NBEA: variants seen among roughly 807,000 people sequenced by gnomAD.
NBEA encodes the protein lysosomal-trafficking regulator 2.
NBEA carries 44 observed loss-of-function variants against 343.4 expected under a neutral mutation model. The observed-to-expected ratio is 0.13, with a 90% confidence interval of 0.10 to 0.16. The LOEUF (loss-of-function observed/expected upper bound fraction) is 0.16. Among genes scored for constraint, NBEA ranks in the 10% least tolerant of loss-of-function variants. NBEA has a pLI of 1.00. For synonymous variants in NBEA, 1,175 were observed against 1,238.7 expected (o/e 0.95, Z 1.08); for missense variants, 2,555 against 3,631.3 (o/e 0.70, Z 7.62).
chr13:35,394,963 T>C (rs1465901518), intron 38 of NBEA, among the ~76,000 whole-genome samples: 7 of 152,184 alleles, frequency 4.6e-5, no homozygotes, highest in South Asian at 2.1e-4. Context: ...ACTTCCTTTG[T>C]TGAGTTTCAA....
chr13:35,315,251 A>T (rs1319725012), intron 36 of NBEA, among the ~76,000 whole-genome samples: 1 of 152,202 alleles, frequency 6.6e-6, no homozygotes, highest in Non-Finnish European at 1.5e-5. Flanking sequence ...AATACAATTC[A>T]TCAATCATAG....
At chr13:35,422,099 T>TA (rs1286843801) in intron 38 of NBEA, among the ~76,000 whole-genome samples, 1 of 143,684 alleles carries the variant, frequency 7.0e-6, no homozygotes, top group Non-Finnish European at 1.5e-5. Flanking sequence ...TTTGTTTTTT[T>TA]TTTTTTTTAG....
intron 41 of NBEA, among the ~76,000 whole-genome samples, chr13:35,488,980 A>C (rs1323833177): frequency 6.6e-6 from 1 of 151,942 alleles, no homozygotes; most frequent in Non-Finnish European, 1.5e-5. Context: ...TAAAATACAA[A>C]ATACATTTAT....
intron 1 of NBEA, among the ~76,000 whole-genome samples, chr13:35,019,600 G>A (rs1464370695): frequency 1.3e-5 from 2 of 152,082 alleles, no homozygotes; most frequent in African/African-American, 4.8e-5. Context: ...ATTCTCTCAC[G>A]AGTGATTGAT....
intron 44 of NBEA, among the ~76,000 whole-genome samples, chr13:35,559,970 A>G (rs2079785861): frequency 6.6e-6 from 1 of 152,096 alleles, no homozygotes; most frequent in Non-Finnish European, 1.5e-5. Flanking sequence ...TTTGTTAATA[A>G]TAAGAACTCA....
intron 41 of NBEA, among the ~76,000 whole-genome samples, chr13:35,529,374 T>G (rs1185337225): frequency 3.9e-5 from 6 of 152,174 alleles, no homozygotes. Flanking sequence ...TGAATAGCAC[T>G]TTAAGTACAC....
chr13:35,151,830 C>CT (rs2068809700), intron 18 of NBEA, among the ~76,000 whole-genome samples: 1 of 151,782 alleles, frequency 6.6e-6, no homozygotes, highest in African/African-American at 2.4e-5. Context: ...CTTTTAAATT[C>CT]TATTTGTATC....
At chr13:35,466,245 G>A (rs986546711) in intron 40 of NBEA, among the ~76,000 whole-genome samples, 5 of 152,174 alleles carry the variant, frequency 3.3e-5, no homozygotes, top group African/African-American at 1.2e-4. Flanking sequence ...GTTAAGGATA[G>A]ATTATGCTCA....
intron 41 of NBEA, among the ~76,000 whole-genome samples, chr13:35,506,316 G>T (rs2077070709): frequency 6.6e-6 from 1 of 152,078 alleles, no homozygotes; most frequent in Non-Finnish European, 1.5e-5. Flanking sequence ...TGATCCTCGT[G>T]CCTTGGCCTC....
intron 45 of NBEA, among the ~76,000 whole-genome samples, chr13:35,574,238 A>G (rs767912513): frequency 6.7e-6 from 1 of 149,136 alleles, no homozygotes; most frequent in African/African-American, 2.5e-5. Context: ...TATAGATTGC[A>G]TTTTCTTCCA....
At chr13:35,526,580 A>G (rs1383092395) in intron 41 of NBEA, among the ~76,000 whole-genome samples, 1 of 152,150 alleles carries the variant, frequency 6.6e-6, no homozygotes. Context: ...TTGGAGTGTC[A>G]CTTTTCCAGC....
At chr13:35,001,769 TAAC>T in intron 1 of NBEA, among the ~76,000 whole-genome samples, 1 of 152,224 alleles carries the variant, frequency 6.6e-6, no homozygotes, top group African/African-American at 2.4e-5. Flanking sequence ...TGACTATTGT[TAAC>T]AATTTATTGT....
chr13:35,577,981 G>A (rs1235197138), intron 45 of NBEA, among the ~76,000 whole-genome samples: 1 of 152,154 alleles, frequency 6.6e-6, no homozygotes, highest in African/African-American at 2.4e-5. Flanking sequence ...AATGATGACA[G>A]GTAGTTCATG....
intron 12 of NBEA, among the ~76,000 whole-genome samples, chr13:35,109,857 A>C (rs1359165939): frequency 2.6e-5 from 4 of 151,878 alleles, no homozygotes; most frequent in Admixed American, 6.6e-5. Flanking sequence ...TATATACATG[A>C]ATTAAATATT....
At chr13:35,061,804 T>G (rs942395261) in intron 8 of NBEA, among the ~76,000 whole-genome samples, 3 of 151,720 alleles carry the variant, frequency 2.0e-5, no homozygotes, top group African/African-American at 7.2e-5. Context: ...ATTTGTAAAC[T>G]CTGCATATAA....
At chr13:35,014,764 CAG>C (rs1283250488) in intron 1 of NBEA, among the ~76,000 whole-genome samples, 2 of 151,954 alleles carry the variant, frequency 1.3e-5, no homozygotes, top group African/African-American at 2.4e-5. Context: ...AATGTGGGGA[CAG>C]GGGCGGGGCC....
Position 35,079,648 on chromosome 13 carries a change from A to G in NBEA, c.1571+8796A>G, listed in dbSNP as rs190094859. On this transcript the variant is annotated intron_variant, in intron 10 of 58. Transcript: ENST00000379939. ...TAAAAATGTGGCTATTTTGTCCCATATAGAATGCATGGATGGTATCTTTTT... is the reference window on the plus strand; with the variant it reads ...TAAAAATGTGGCTATTTTGTCCCATGTAGAATGCATGGATGGTATCTTTTT... Among the ~76,000 whole-genome samples the G allele has an allele frequency of 1.1e-4, 17 of 152,324 alleles. No homozygotes were observed. The East Asian group carries it at 3.1e-3, about 28-fold the overall frequency.
At chr13:35,354,006 C>T (rs528729295) in intron 38 of NBEA, among the ~76,000 whole-genome samples, 3 of 152,266 alleles carry the variant, frequency 2.0e-5, no homozygotes, top group African/African-American at 7.2e-5. Context: ...TCCGGGAAAC[C>T]TCAGCTTTTG....
intron 1 of NBEA, among the ~76,000 whole-genome samples, chr13:35,013,204 ACCAATG>A (rs1566162273): frequency 3.3e-5 from 5 of 152,192 alleles, no homozygotes; most frequent in African/African-American, 1.2e-4. Flanking sequence ...GGTCAACAAG[ACCAATG>A]TGGAACTTAT....
Sources: allele counts gnomAD v4.1 joint callset (sites outside exome capture counted in the v4.1 genomes callset), GRCh38; gene constraint gnomAD v4.1.1; transcripts MANE v1.5; gene names NCBI Gene and HGNC (gene_info 2026-07-23, HGNC 2026-07-21).